The following GLDC variants were observed in gnomAD, a reference collection of about 807,000 sequenced individuals.
GLDC encodes the protein glycine decarboxylase.
A neutral mutation model predicts 121.3 loss-of-function variants in GLDC; 104 were observed. The observed-to-expected ratio is 0.86, with a 90% CI of 0.73 to 1.01. GLDC has a LOEUF of 1.01. Among genes scored for constraint, GLDC ranks in the 50% least tolerant of loss-of-function variants. The probability of loss-of-function intolerance (pLI) is 0.00; values close to 1 mark genes in which losing one functional copy is unlikely to be tolerated. For synonymous variants in GLDC, 546 were observed against 480.6 expected, an observed-to-expected ratio of 1.14 and a Z score of -1.78; for missense variants, 1,429 against 1,306.6, an observed-to-expected ratio of 1.09 and a Z score of -1.44.
At chr9:6,552,078 G>T (rs118141496) in intron 20 of GLDC, among the ~76,000 whole-genome samples, 2 of 152,166 alleles carry the variant, frequency 1.3e-5, no homozygotes, top group Non-Finnish European at 2.9e-5. Flanking sequence ...CGAGAGATAC[G>T]TGGGGGCCTA....
intron 4 of GLDC, 121 bp from the exon 5 acceptor site, chr9:6,606,790 A>C (rs1370745952): frequency 4.0e-5 from 30 of 747,702 alleles, no homozygotes; most frequent in South Asian, 1.3e-4. Context: ...AATACTGAGT[A>C]GGCCGGGTGC....
chr9:6,624,353 G>A (rs1242390010), intron 2 of GLDC, among the ~76,000 whole-genome samples: 1 of 152,164 alleles, frequency 6.6e-6, no homozygotes, highest in Admixed American at 6.5e-5. Flanking sequence ...AATGATTGGT[G>A]TCCTTATAAG....
At chr9:6,602,463 G>T (rs1282672467) in intron 7 of GLDC, among the ~76,000 whole-genome samples, 1 of 149,604 alleles carries the variant, frequency 6.7e-6, no homozygotes, top group East Asian at 2.0e-4. Context: ...TGCAACCTCT[G>T]CCTTCTGGTT....
intron 2 of GLDC, among the ~76,000 whole-genome samples, chr9:6,627,595 C>A (rs1819272238): frequency 6.6e-6 from 1 of 152,082 alleles, no homozygotes; most frequent in South Asian, 2.1e-4. Flanking sequence ...GTCCCCTATA[C>A]AACAAGTTAA....
intron 3 of GLDC, among the ~76,000 whole-genome samples, chr9:6,616,499 T>C (rs982641025): frequency 6.6e-6 from 1 of 152,228 alleles, no homozygotes; most frequent in Non-Finnish European, 1.5e-5. Context: ...CTCTTAACAA[T>C]GATCTATTAA....
At chr9:6,621,548 T>A (rs1364617185) in intron 2 of GLDC, among the ~76,000 whole-genome samples, 2 of 152,134 alleles carry the variant, frequency 1.3e-5, no homozygotes, top group Non-Finnish European at 2.9e-5. Context: ...GAGGGAGTCT[T>A]GCTCTGTCAC....
chr9:6,546,735 G>A (rs1817399924), intron 21 of GLDC, among the ~76,000 whole-genome samples: 1 of 151,890 alleles, frequency 6.6e-6, no homozygotes, highest in African/African-American at 2.4e-5. Flanking sequence ...GCCAAGGTGG[G>A]AGGATCACCT....
intron 15 of GLDC, among the ~76,000 whole-genome samples, chr9:6,581,154 T>C (rs1199343136): frequency 2.0e-5 from 3 of 152,202 alleles, no homozygotes; most frequent in African/African-American, 7.2e-5. Flanking sequence ...GAAGAACAAG[T>C]GTTGCTAACT....
At chr9:6,554,151 T>A (rs1817569807) in intron 19 of GLDC, among the ~76,000 whole-genome samples, 1 of 152,206 alleles carries the variant, frequency 6.6e-6, no homozygotes, top group Non-Finnish European at 1.5e-5. Flanking sequence ...TGTAAAAAGT[T>A]ATCCACAGCT....
intron 17 of GLDC, 133 bp from the exon 18 acceptor site, chr9:6,556,435 G>A: frequency 5.5e-6 from 4 of 725,494 alleles, no homozygotes; most frequent in South Asian, 3.2e-5. Flanking sequence ...CTGTCTCAAA[G>A]TACAATGACA....
chr9:6,588,448 A>G lies in GLDC; in HGVS notation c.1666-6T>C, dbSNP rs766481730. On this transcript the variant is annotated splice_polypyrimidine_tract_variant and splice_region_variant and intron_variant, in intron 13 of 24. Transcript: ENST00000321612. ...AGTTTCATGGTGCAGGATCCCTTTAAGAAGAACATCCAAAATGTATCACAT... is the reference window on the plus strand; with the variant it reads ...AGTTTCATGGTGCAGGATCCCTTTAGGAAGAACATCCAAAATGTATCACAT... 104 of 1,610,184 alleles carry G rather than the reference A, an allele frequency of 6.5e-5. No individual in the cohort carries two copies. Among genetic ancestry groups the G allele is most frequent in the Non-Finnish European group, 8.7e-5 (102 of 1,176,492 alleles).
At chr9:6,568,090 A>C (rs1817886041) in intron 15 of GLDC, among the ~76,000 whole-genome samples, 1 of 152,196 alleles carries the variant, frequency 6.6e-6, no homozygotes, top group Non-Finnish European at 1.5e-5. Flanking sequence ...AGGCCAATCA[A>C]GGTGTAGACT....
At chr9:6,624,195 G>A (rs1819184251) in intron 2 of GLDC, among the ~76,000 whole-genome samples, 1 of 152,204 alleles carries the variant, frequency 6.6e-6, no homozygotes, top group South Asian at 2.1e-4. Flanking sequence ...TAAGAGGAGT[G>A]TTACAAGTTG....
At chr9:6,570,711 G>T (rs1817944511) in intron 15 of GLDC, among the ~76,000 whole-genome samples, 1 of 152,004 alleles carries the variant, frequency 6.6e-6, no homozygotes, top group Non-Finnish European at 1.5e-5. Flanking sequence ...AAAATTAGCT[G>T]GGCGTTGTGG....
intron 2 of GLDC, among the ~76,000 whole-genome samples, chr9:6,631,032 A>G (rs1231898319): frequency 6.6e-6 from 1 of 152,226 alleles, no homozygotes; most frequent in Non-Finnish European, 1.5e-5. Context: ...TACGCTCTGC[A>G]CAGCGTACAG....
intron 21 of GLDC, among the ~76,000 whole-genome samples, chr9:6,548,266 G>A (rs1817438626): frequency 6.6e-6 from 1 of 152,186 alleles, no homozygotes; most frequent in African/African-American, 2.4e-5. Context: ...TTTCCAAAAT[G>A]TCCGTGTTGA....
At chr9:6,569,210 G>C (rs1382473974) in intron 15 of GLDC, 2 of 152,208 alleles carry the variant, frequency 1.3e-5, no homozygotes, top group Non-Finnish European at 2.9e-5. Context: ...ACATGGCAGA[G>C]ATAGGGTGAG....
rs1157740804 is a variant in GLDC, at chr9:6,592,313, T to C, written c.1402-90A>G. ...AGAGAGGTCAAAGGGGAGACAGTGC[T>C]AAACAAAATCCCATCATTCCAAAAT... On this transcript the variant is annotated intron_variant, in intron 10 of 24. Coordinates refer to ENST00000321612, the MANE Select transcript of GLDC (RefSeq NM_000170.3). 2.7e-5 allele frequency: 22 copies of C among 817,324 alleles called. 1 individual carries two copies. Among genetic ancestry groups the C allele is most frequent in the South Asian group, 1.2e-4 (9 of 73,928 alleles). The allele number at this position is 817,324 out of a possible 1,614,324, so 50.6% of individuals were successfully genotyped here.
At chr9:6,543,446 G>T (rs1469321366) in intron 21 of GLDC, among the ~76,000 whole-genome samples, 1 of 152,116 alleles carries the variant, frequency 6.6e-6, no homozygotes, top group African/African-American at 2.4e-5. Context: ...CAGAGGTTCA[G>T]TAATAGCTGA....
Sources: gnomAD v4.1 joint callset for allele counts (sites outside exome capture counted in the v4.1 genomes callset) on GRCh38, gnomAD v4.1.1 for gene constraint, MANE v1.5 for transcripts, NCBI Gene and HGNC (gene_info 2026-07-23, HGNC 2026-07-21) for gene names.